The following DCLRE1C variants were observed in gnomAD, a reference collection of about 807,000 sequenced individuals.
The protein encoded by DCLRE1C is protein artemis.
DCLRE1C carries 47 observed loss-of-function variants against 61.4 expected under a neutral mutation model. The ratio of observed to expected loss-of-function variants is 0.77; its 90% CI spans 0.61 to 0.98. The LOEUF is 0.98. Among genes scored for constraint, DCLRE1C ranks in the 50% least tolerant of loss-of-function variants. The pLI is 0.00. For missense variants in DCLRE1C, 858 were observed against 816.0 expected (o/e 1.05, Z -0.63); for synonymous variants, 337 against 287.6 (o/e 1.17, Z -1.74).
chr10:14,904,377 G>A (rs898285535), downstream of DCLRE1C: 22 of 124,586 alleles, frequency 1.8e-4, no homozygotes, highest in African/African-American at 7.1e-4. Context: ...TTTCTTAATG[G>A]CATTTGTGTT....
chr10:14,949,181 A>T, intron 1 of DCLRE1C, 94 bp from the exon 2 acceptor site: 1 of 855,548 alleles, frequency 1.2e-6, no homozygotes, highest in South Asian at 1.4e-5. Context: ...GCTTCAAGAG[A>T]AAACCCATGA....
chr10:14,908,884 GGGA>G lies in DCLRE1C; in HGVS notation c.1600_1602del (p.Ser534del), dbSNP rs1554773945. 5.0e-6 allele frequency: 8 copies of G among 1,614,058 alleles called. No homozygotes were observed. The highest frequency in any genetic ancestry group is 2.7e-5 in the African/African-American group (2 of 74,920). On this transcript the variant is annotated inframe_deletion, in exon 14 of 14. Coordinates refer to ENST00000378278, the MANE Select transcript of DCLRE1C (RefSeq NM_001033855.3). ...ATGTGTGTTGACTGGGAAGAATTCTGGGAGGAGATGTGAGTTGATTCTCCATCA... is the reference window on the plus strand; with the variant it reads ...ATGTGTGTTGACTGGGAAGAATTCTGGGAGATGTGAGTTGATTCTCCATCA...
intron 9 of DCLRE1C, among the ~76,000 whole-genome samples, chr10:14,930,065 G>C (rs1425261432): frequency 6.6e-6 from 1 of 152,148 alleles, no homozygotes; most frequent in Non-Finnish European, 1.5e-5. Flanking sequence ...TATGGGGCAA[G>C]GGGCCCAATA....
At chr10:14,923,824 G>C (rs892619415) in intron 11 of DCLRE1C, 1 of 152,448 alleles carries the variant, frequency 6.6e-6, no homozygotes, top group African/African-American at 2.4e-5. Flanking sequence ...CTTGGTGTTG[G>C]AGTCACCAAG....
In DCLRE1C at chr10:14,904,901, C is replaced by G. The variant is rs1162778605; in HGVS notation, c.*3507G>C. On this transcript the variant is annotated 3_prime_UTR_variant, in exon 14 of 14. Transcript: ENST00000378278. The stretch of plus-strand genomic sequence containing the variant: ...ATATTGATACCATCATTTTCAGGAT[C>G]TACATTAAGAGGATGGTGATACATA... Among the ~76,000 whole-genome samples the G allele has an allele frequency of 6.6e-6, 1 of 152,308 alleles. No individual in the cohort carries two copies. Among genetic ancestry groups the G allele is most frequent in the African/African-American group, 2.4e-5 (1 of 41,570 alleles).
chr10:14,901,355 T>C, downstream of DCLRE1C: 1 of 1,516,594 alleles, frequency 6.6e-7, no homozygotes, highest in Non-Finnish European at 9.0e-7. Flanking sequence ...GAACCAAACC[T>C]AATACTAAAG....
chr10:14,916,663 A>T (rs944297362), intron 13 of DCLRE1C, among the ~76,000 whole-genome samples: 4 of 152,216 alleles, frequency 2.6e-5, no homozygotes, highest in Non-Finnish European at 4.4e-5. Context: ...AAGTAATACC[A>T]TGTGCAACAG....
At position 14,904,728 on chromosome 10, in the gene DCLRE1C, A is replaced by C. The variant is rs1044186754; in HGVS notation, c.*3680T>G. ...TTAAGCAGTGAAATAATAGAAACTAAAGGATGTTATTAAGGGGTTTAACTA... is the reference window on the plus strand; with the variant it reads ...TTAAGCAGTGAAATAATAGAAACTACAGGATGTTATTAAGGGGTTTAACTA... On this transcript the variant is annotated 3_prime_UTR_variant, in exon 14 of 14. Transcript: ENST00000378278. 1.3e-5 allele frequency among the ~76,000 whole-genome samples: 2 copies of C among 152,208 alleles called. No individual in the cohort carries two copies. Among genetic ancestry groups the C allele is most frequent in the Non-Finnish European group, 2.9e-5 (2 of 68,032 alleles).
At position 14,936,543 on chromosome 10, in the gene DCLRE1C, T is replaced by C. The variant is rs757569484; in HGVS notation, c.357A>G (p.Ser119=). The C allele has an allele frequency of 4.3e-6, 7 of 1,612,196 alleles. No individual in the cohort carries two copies. Among genetic ancestry groups the C allele is most frequent in the African/African-American group, 1.3e-5 (1 of 74,862 alleles). ...TLLPAGHCPG[S]VMFLFQGNNG... ...AAAATAAATGACCCCCTTACATAAC[T>C]GATCCCGGACAGTGACCAGCTGGTA... Residue 119 remains serine, a synonymous_variant, in exon 5 of 14, where the codon TCA becomes TCG. Coordinates refer to ENST00000378278, the MANE Select transcript of DCLRE1C (RefSeq NM_001033855.3).
intron 12 of DCLRE1C, among the ~76,000 whole-genome samples, chr10:14,920,629 A>C (rs957775809): frequency 2.0e-5 from 3 of 152,166 alleles, no homozygotes; most frequent in Non-Finnish European, 4.4e-5. Context: ...CTCCTGGGTT[A>C]ACTTTTCAAA....
rs1459392769 is a variant in DCLRE1C at position 14,908,406 on chromosome 10, T to G, written c.*2A>C. On this transcript the variant is annotated 3_prime_UTR_variant, in exon 14 of 14. Transcript: ENST00000378278. Reference sequence around the variant, plus strand: ...TGCTCTAGGTTGAAACGCTTTGAATTCTTAGGTATCTAAGAGTGAGCATTT... The same window carrying G: ...TGCTCTAGGTTGAAACGCTTTGAATGCTTAGGTATCTAAGAGTGAGCATTT... 7.4e-6 allele frequency: 12 copies of G among 1,611,786 alleles called. No homozygotes were observed. Among genetic ancestry groups the G allele is most frequent in the Non-Finnish European group, 9.3e-6 (11 of 1,178,322 alleles).
chr10:14,935,462 C>T lies in DCLRE1C; in HGVS notation c.464+1G>A, dbSNP rs1162344514. 1 of 1,613,796 alleles carries T rather than the reference C, an allele frequency of 6.2e-7. No individual in the cohort carries two copies. Among genetic ancestry groups the T allele is most frequent in the Non-Finnish European group, 8.5e-7 (1 of 1,179,870 alleles). On this transcript the variant is annotated splice_donor_variant, in intron 6 of 13. Transcript: ENST00000378278. LOFTEE classifies it high-confidence loss of function. The stretch of plus-strand genomic sequence containing the variant: ...AATAAAACCTATACGAGGCCCAGTA[C>T]CTGCCCCCGGAGTGCAGAAGCTCCA...
At chr10:14,923,485 T>C (rs1412091219) in intron 11 of DCLRE1C, 10 of 230,920 alleles carry the variant, frequency 4.3e-5, no homozygotes, top group Non-Finnish European at 5.2e-5. Flanking sequence ...TTAACTATAA[T>C]ATACACAAAA....
chr10:14,919,726 C>G lies in DCLRE1C; in HGVS notation c.1156+12G>C, dbSNP rs1233933906. The G allele has an allele frequency of 6.2e-7, 1 of 1,606,520 alleles. No homozygotes were observed. The highest frequency in any genetic ancestry group is 1.3e-5 in the African/African-American group (1 of 74,682). ...GAGCCCACCCCTCTGAACCCAGGACCATTTTTCTTACCTGAGTCTCGGTGA... is the reference window on the plus strand; with the variant it reads ...GAGCCCACCCCTCTGAACCCAGGACGATTTTTCTTACCTGAGTCTCGGTGA... On this transcript the variant is annotated intron_variant, in intron 13 of 13. Coordinates refer to ENST00000378278, the MANE Select transcript of DCLRE1C (RefSeq NM_001033855.3).
chr10:14,935,323 GGGCGTGGT>G, intron 6 of DCLRE1C, 132 bp downstream of exon 6: 1 of 887,132 alleles, frequency 1.1e-6, no homozygotes, highest in Admixed American at 2.3e-5. Context: ...AAAATTAGCT[GGGCGTGGT>G]GGCACGTACC....
At chr10:14,933,003 A>G in intron 8 of DCLRE1C, 48 bp from the exon 9 acceptor site, 4 of 1,596,566 alleles carry the variant, frequency 2.5e-6, no homozygotes, top group Non-Finnish European at 3.4e-6. Flanking sequence ...TGTATTTCCT[A>G]TAAATTGTTC....
At chr10:14,940,190 C>T (rs2995235) in intron 3 of DCLRE1C, among the ~76,000 whole-genome samples, 6 of 152,124 alleles carry the variant, frequency 3.9e-5, no homozygotes, top group Non-Finnish European at 8.8e-5. Context: ...TCTCTGAATT[C>T]TGAGTCTTTG....
rs934599972 is a variant in DCLRE1C, at chr10:14,922,316, C to A, written c.1061+665G>T. On this transcript the variant is annotated intron_variant, in intron 12 of 13. Transcript: ENST00000378278. ...ATTAGCCGGGCATGATGGCATGCAC[C>A]TGTAGTCACAGCTACTCGGGAGGCT... Among the ~76,000 whole-genome samples, 3 of 152,000 alleles carry A rather than the reference C, an allele frequency of 2.0e-5. No individual in the cohort carries two copies. In the East Asian group the frequency reaches 5.8e-4, roughly 29 times the overall value.
chr10:14,918,011 A>G (rs1455706875), intron 13 of DCLRE1C, among the ~76,000 whole-genome samples: 1 of 152,190 alleles, frequency 6.6e-6, no homozygotes, highest in Non-Finnish European at 1.5e-5. Context: ...GTCTAACCAT[A>G]CCAAGTATTG....
Sources: allele counts gnomAD v4.1 joint callset (sites outside exome capture counted in the v4.1 genomes callset), GRCh38; gene constraint gnomAD v4.1.1; transcripts MANE v1.5; gene names NCBI Gene and HGNC (gene_info 2026-07-23, HGNC 2026-07-21).